Variants in FTO observed in about 807,000 individuals in gnomAD.
FTO encodes alpha-ketoglutarate-dependent dioxygenase FTO.
In FTO, 47 loss-of-function variants were observed where a neutral mutation model predicts 63.9. That is an observed-to-expected ratio of 0.74 (90% CI 0.58 to 0.94). The LOEUF is 0.94. Among genes scored for constraint, FTO ranks in the 40% least tolerant of loss-of-function variants. FTO has a pLI of 0.00. For synonymous variants in FTO, 207 were observed against 224.4 expected, an observed-to-expected ratio of 0.92 and a Z score of 0.69; for missense variants, 562 against 618.1, an observed-to-expected ratio of 0.91 and a Z score of 0.96.
In FTO at chr16:53,778,431, C is replaced by T. The variant is rs58475783; in HGVS notation, c.46-31709C>T. On this transcript the variant is annotated intron_variant, in intron 1 of 8. Coordinates refer to ENST00000471389, the MANE Select transcript of FTO (RefSeq NM_001080432.3). ...ACTGAATACTAGTTTAGTTTGGTAC[C>T]GCTGGCTTGATTAGTGACAAGGCAC... Among the ~76,000 whole-genome samples the T allele has an allele frequency of 0.038, 5,798 of 152,054 alleles. 491 individuals are homozygous for T. The East Asian group carries it at 0.4, about 11-fold the overall frequency.
intron 5 of FTO, among the ~76,000 whole-genome samples, chr16:53,878,948 G>A (rs2080745578): frequency 6.6e-6 from 1 of 152,214 alleles, no homozygotes; most frequent in Non-Finnish European, 1.5e-5. Flanking sequence ...CCACTGCCTA[G>A]TGTATGCTTT....
intron 1 of FTO, among the ~76,000 whole-genome samples, chr16:53,804,771 A>G (rs1311882293): frequency 6.6e-6 from 1 of 151,678 alleles, no homozygotes; most frequent in East Asian, 1.9e-4. Flanking sequence ...GTGCGCCACC[A>G]TGGCCGGCTA....
At chr16:54,068,222 T>C (rs1391005790) in intron 8 of FTO, among the ~76,000 whole-genome samples, 1 of 152,194 alleles carries the variant, frequency 6.6e-6, no homozygotes, top group Admixed American at 6.5e-5. Context: ...TTGTCTTCCT[T>C]TTTTTCCTTT....
intron 8 of FTO, among the ~76,000 whole-genome samples, chr16:53,970,590 CAAAAA>C (rs750908676): frequency 1.5e-5 from 1 of 65,306 alleles, no homozygotes. Flanking sequence ...GACTCCATCT[CAAAAA>C]AAAAAAAAAA....
chr16:54,039,042 C>T (rs992629496), intron 8 of FTO, among the ~76,000 whole-genome samples: 8 of 152,176 alleles, frequency 5.3e-5, no homozygotes, highest in Admixed American at 6.5e-5. Flanking sequence ...GAGAGGTGGG[C>T]GGCCTCCTGT....
Position 54,099,441 on chromosome 16 carries a change from C to T in FTO, c.1365-12321C>T, listed in dbSNP as rs1367784283. Among the ~76,000 whole-genome samples the T allele has an allele frequency of 3.3e-5, 5 of 152,234 alleles. No homozygotes were observed. In the East Asian group the frequency reaches 5.8e-4, roughly 18 times the overall value. On this transcript the variant is annotated intron_variant, in intron 8 of 8. Transcript: ENST00000471389. ...GCATTGTGTGCTGGGGAACCCAACCCGGCCTCTCTTAAAGCGTCCAACCAA... is the reference window on the plus strand; with the variant it reads ...GCATTGTGTGCTGGGGAACCCAACCTGGCCTCTCTTAAAGCGTCCAACCAA...
rs191270910 is a variant in FTO, at chr16:54,099,162, A to C, written c.1365-12600A>C. Among the ~76,000 whole-genome samples, 8 of 152,298 alleles carry C rather than the reference A, an allele frequency of 5.3e-5. No individual in the cohort carries two copies. In the East Asian group the frequency reaches 1.5e-3, roughly 29 times the overall value. Reference sequence around the variant, plus strand: ...TACTACCCGGTGGGGATTTTGTTCCAGTAATTGCATCAAATTGGACCTGCT... The same window carrying C: ...TACTACCCGGTGGGGATTTTGTTCCCGTAATTGCATCAAATTGGACCTGCT... On this transcript the variant is annotated intron_variant, in intron 8 of 8. Coordinates refer to ENST00000471389, the MANE Select transcript of FTO (RefSeq NM_001080432.3).
At chr16:54,105,629 T>G (rs2086733902) in intron 8 of FTO, among the ~76,000 whole-genome samples, 1 of 152,214 alleles carries the variant, frequency 6.6e-6, no homozygotes, top group Admixed American at 6.5e-5. Flanking sequence ...TTCGGGACAT[T>G]TAAACATTGT....
chr16:53,729,156 T>G (rs975363948), intron 1 of FTO, among the ~76,000 whole-genome samples: 1 of 152,142 alleles, frequency 6.6e-6, no homozygotes, highest in African/African-American at 2.4e-5. Flanking sequence ...TTCAGGCCAC[T>G]GCTGTGTTCA....
intron 4 of FTO, among the ~76,000 whole-genome samples, chr16:53,856,368 T>TTTAA (rs371489949): frequency 6.7e-6 from 1 of 150,122 alleles, no homozygotes; most frequent in African/African-American, 2.5e-5. Context: ...TTTTTTTTTT[T>TTTAA]GGGGGGGGAT....
chr16:53,908,890 C>T (rs577592006), intron 7 of FTO, among the ~76,000 whole-genome samples: 1 of 152,250 alleles, frequency 6.6e-6, no homozygotes, highest in African/African-American at 2.4e-5. Flanking sequence ...AGTTGAGTAT[C>T]GTTTCTCATG....
Position 54,120,611 on chromosome 16 carries a change from T to C in FTO, c.*8696T>C, listed in dbSNP as rs1221274468. The stretch of plus-strand genomic sequence containing the variant: ...ATGGAAGTCCAGATGGGAGAAGTTA[T>C]TTCAGGTGAATTATAGAAACTGGAT... On this transcript the variant is annotated 3_prime_UTR_variant, in exon 9 of 9. Transcript: ENST00000471389. 6.6e-6 allele frequency: 1 copy of C among 152,178 alleles called. No homozygotes were observed. Among genetic ancestry groups the C allele is most frequent in the Admixed American group, 6.5e-5 (1 of 15,288 alleles). The allele number at this position is 152,178 out of a possible 1,614,324, so 9.4% of individuals were successfully genotyped here. A position where few individuals can be genotyped will look rare whatever the true frequency, so the allele number is the denominator to read the frequency against.
At chr16:53,894,800 T>C (rs1461899149) in intron 7 of FTO, among the ~76,000 whole-genome samples, 2 of 152,154 alleles carry the variant, frequency 1.3e-5, no homozygotes, top group African/African-American at 4.8e-5. Context: ...AGATGTCTAG[T>C]GGTTTTAAAT....
rs2086992301 is a variant in FTO, at chr16:54,119,487, T to C, written c.*7572T>C. On this transcript the variant is annotated 3_prime_UTR_variant, in exon 9 of 9. Transcript: ENST00000471389. ...GGTTTCCCGTTGATTATGCCTTGAT[T>C]AGAGTCAGGAGAGAAGCAAACCAGG... The C allele has an allele frequency of 1.3e-5, 2 of 152,096 alleles. No individual in the cohort carries two copies. Among genetic ancestry groups the C allele is most frequent in the South Asian group, 4.2e-4 (2 of 4,808 alleles). 9.4% of individuals were successfully genotyped at this position (152,096 alleles called of 1,614,324 possible). A position where few individuals can be genotyped will look rare whatever the true frequency, so the allele number is the denominator to read the frequency against.
At chr16:54,105,534 C>G (rs1207804407) in intron 8 of FTO, among the ~76,000 whole-genome samples, 2 of 152,200 alleles carry the variant, frequency 1.3e-5, no homozygotes, top group Non-Finnish European at 2.9e-5. Context: ...GCAGCCCTCA[C>G]TCAAACTGGG....
At chr16:53,746,480 G>C (rs1424356947) in intron 1 of FTO, among the ~76,000 whole-genome samples, 1 of 152,196 alleles carries the variant, frequency 6.6e-6, no homozygotes, top group East Asian at 1.9e-4. Flanking sequence ...CACTAATATA[G>C]AGGGATTAGT....
intron 8 of FTO, among the ~76,000 whole-genome samples, chr16:53,960,899 C>G (rs1438593518): frequency 6.6e-6 from 1 of 152,048 alleles, no homozygotes; most frequent in Non-Finnish European, 1.5e-5. Flanking sequence ...GGCATGGTTT[C>G]TAAAGGAAAT....
intron 7 of FTO, among the ~76,000 whole-genome samples, chr16:53,917,042 G>A (rs962282164): frequency 8.5e-5 from 13 of 152,156 alleles, no homozygotes; most frequent in African/African-American, 3.1e-4. Flanking sequence ...AGTGGAGACT[G>A]TCTGTGAACC....
At chr16:53,778,151 T>A (rs1469403375) in intron 1 of FTO, among the ~76,000 whole-genome samples, 3 of 152,198 alleles carry the variant, frequency 2.0e-5, no homozygotes, top group African/African-American at 4.8e-5. Context: ...TTAAATGGAA[T>A]GCATGGTAAA....
Sources: gnomAD v4.1 joint callset for allele counts (sites outside exome capture counted in the v4.1 genomes callset) on GRCh38, gnomAD v4.1.1 for gene constraint, MANE v1.5 for transcripts, NCBI Gene and HGNC (gene_info 2026-07-23, HGNC 2026-07-21) for gene names.